PRCC: variants seen among roughly 807,000 people sequenced by gnomAD.
PRCC encodes proline-rich protein PRCC.
A neutral mutation model predicts 44.0 loss-of-function variants in PRCC; 10 were observed. The ratio of observed to expected loss-of-function variants is 0.23; its 90% CI spans 0.14 to 0.39. The LOEUF (loss-of-function observed/expected upper bound fraction) is 0.39. PRCC is among the 10% of genes least tolerant of loss of function. PRCC has a pLI of 1.00. For missense variants in PRCC, 573 were observed against 624.7 expected, an observed-to-expected ratio of 0.92 and a Z score of 0.88; for synonymous variants, 278 against 259.5, an observed-to-expected ratio of 1.07 and a Z score of -0.69.
At chr1:156,788,541 T>C (rs2102767440) in intron 3 of PRCC, among the ~76,000 whole-genome samples, 1 of 152,336 alleles carries the variant, frequency 6.6e-6, no homozygotes, top group Non-Finnish European at 1.5e-5. Context: ...GGTTGAATGG[T>C]AGCTCTGTTT....
chr1:156,791,190 T>C (rs1357203898), intron 3 of PRCC: 2 of 1,360,392 alleles, frequency 1.5e-6, no homozygotes, highest in Admixed American at 3.8e-5. Context: ...CTAATAGTGG[T>C]TATTTTAAAT....
At chr1:156,785,059 A>G (rs1426730141) in intron 2 of PRCC, among the ~76,000 whole-genome samples, 2 of 152,214 alleles carry the variant, frequency 1.3e-5, no homozygotes, top group Non-Finnish European at 2.9e-5. Context: ...CTCTGTATGT[A>G]TGATGGCACT....
Position 156,767,889 on chromosome 1 carries a change from G to T in PRCC, c.118G>T (p.Ala40Ser), listed in dbSNP as rs755270609. Reference sequence around the variant, plus strand: ...TGGGCCCGCTTTAGGGGGCTTGTTCGCTTCTCTCCCTGCGCCCAAGGGTCC... The same window carrying T: ...TGGGCCCGCTTTAGGGGGCTTGTTCTCTTCTCTCCCTGCGCCCAAGGGTCC... ...TSGPALGGLF[A>S]SLPAPKGPAL... Residue 40 changes from alanine to serine, a missense_variant, in exon 1 of 7, where the codon GCT (alanine) becomes TCT (serine). Physicochemically the swap from Ala to Ser is moderately conservative, Grantham distance 99 (BLOSUM62 1). This residue lies in a region of PRCC where 245 missense variants were observed against 188.5 expected (regional missense o/e 1.30). Transcript: ENST00000271526. The T allele has an allele frequency of 1.9e-6, 3 of 1,604,588 alleles. No homozygotes were observed. Among genetic ancestry groups the T allele is most frequent in the African/African-American group, 2.7e-5 (2 of 74,844 alleles).
intron 2 of PRCC, 102 bp downstream of exon 2, chr1:156,782,431 A>T (rs528556488): frequency 0.011 from 12,087 of 1,077,938 alleles, 105 homozygotes; most frequent in Middle Eastern, 0.03. Context: ...CTTAGAGCAA[A>T]CACAGATATT....
chr1:156,775,933 C>T (rs1651813630), intron 1 of PRCC, among the ~76,000 whole-genome samples: 1 of 152,210 alleles, frequency 6.6e-6, no homozygotes, highest in African/African-American at 2.4e-5. Context: ...AGGGGTGAAC[C>T]ACTGTGCCTG....
At chr1:156,774,394 C>G (rs1020235019) in intron 1 of PRCC, among the ~76,000 whole-genome samples, 5 of 151,432 alleles carry the variant, frequency 3.3e-5, no homozygotes, top group Non-Finnish European at 7.4e-5. Flanking sequence ...AGGCTGGTCT[C>G]GAACCCCTGA....
At chr1:156,799,498 G>C (rs899359100) in intron 6 of PRCC, among the ~76,000 whole-genome samples, 1 of 152,102 alleles carries the variant, frequency 6.6e-6, no homozygotes, top group Non-Finnish European at 1.5e-5. Context: ...ACCCTTTCCT[G>C]GCCCCTTTCC....
chr1:156,780,293 A>G (rs918252587), intron 1 of PRCC, among the ~76,000 whole-genome samples: 1 of 152,030 alleles, frequency 6.6e-6, no homozygotes, highest in African/African-American at 2.4e-5. Flanking sequence ...TCCTGGGCTC[A>G]AGTAATCCTC....
intron 1 of PRCC, among the ~76,000 whole-genome samples, chr1:156,778,169 T>G (rs1177192356): frequency 2.0e-5 from 3 of 152,116 alleles, no homozygotes; most frequent in Non-Finnish European, 4.4e-5. Context: ...ATTCTTCCTG[T>G]CTGAGATTTT....
At chr1:156,768,984 G>C (rs1325526902) in intron 1 of PRCC, among the ~76,000 whole-genome samples, 2 of 152,188 alleles carry the variant, frequency 1.3e-5, no homozygotes, top group Admixed American at 1.3e-4. Flanking sequence ...GGATGCTTGG[G>C]TACTGTTTCT....
chr1:156,767,766 G>A lies in PRCC; in HGVS notation c.-6G>A, dbSNP rs937685399. ...CGGCAAGGGCGCCCGAAACGCGGGA[G>A]GCGCCATGTCGCTGGTTGCTTACGC... is the stretch of plus-strand genomic sequence containing the variant. On this transcript the variant is annotated 5_prime_UTR_variant, in exon 1 of 7. Coordinates refer to ENST00000271526, the MANE Select transcript of PRCC (RefSeq NM_005973.5). 6.3e-6 allele frequency: 10 copies of A among 1,590,896 alleles called. No individual in the cohort carries two copies. In the East Asian group the frequency reaches 6.8e-5, roughly 11 times the overall value.
intron 4 of PRCC, among the ~76,000 whole-genome samples, chr1:156,793,493 C>T (rs79550187): frequency 1.1e-4 from 16 of 139,850 alleles, no homozygotes; most frequent in African/African-American, 1.8e-4. Flanking sequence ...GTTTACTGGG[C>T]TTTTTTTTTT....
intron 3 of PRCC, among the ~76,000 whole-genome samples, chr1:156,788,105 G>A (rs1328044335): frequency 6.6e-6 from 1 of 152,188 alleles, no homozygotes; most frequent in Non-Finnish European, 1.5e-5. Context: ...TAAAGTGATG[G>A]AATTATAGTG....
chr1:156,781,562 G>T (rs1055840602), intron 1 of PRCC, among the ~76,000 whole-genome samples: 2 of 152,348 alleles, frequency 1.3e-5, no homozygotes, highest in South Asian at 2.1e-4. Flanking sequence ...AAGGAACTGA[G>T]ATAGAGCTAA....
rs1266938839 is a variant in PRCC, at chr1:156,767,996, C to T, written c.225C>T (p.Pro75=). ...TGCTTCCCCCACCCACCGGAGACCC[C>T]AGGCTTCAGCCTCCTCCCCCCTTGC... is the stretch of plus-strand genomic sequence containing the variant. ...PLLLPPPTGD[P]RLQPPPPLPF... The change falls in exon 1 of 7, where the codon CCC becomes CCT. Residue 75 remains proline (P), a synonymous_variant. Coordinates refer to ENST00000271526, the MANE Select transcript of PRCC (RefSeq NM_005973.5). 1 of 1,574,502 alleles carries T rather than the reference C, an allele frequency of 6.4e-7. No homozygotes were observed. The highest frequency in any genetic ancestry group is 8.6e-7 in the Non-Finnish European group (1 of 1,159,048).
chr1:156,768,303 A>T, intron 1 of PRCC, 64 bp downstream of exon 1: 1 of 1,474,092 alleles, frequency 6.8e-7, no homozygotes, highest in Non-Finnish European at 9.2e-7. Flanking sequence ...TAGGAGGGAC[A>T]TGTGGAGATT....
chr1:156,771,635 G>C (rs191330740), intron 1 of PRCC, among the ~76,000 whole-genome samples: 1 of 152,184 alleles, frequency 6.6e-6, no homozygotes, highest in East Asian at 1.9e-4. Flanking sequence ...GGGTTAGTTA[G>C]ATTTCATTTG....
intron 6 of PRCC, 106 bp downstream of exon 6, chr1:156,797,447 C>G: frequency 1.5e-6 from 2 of 1,322,662 alleles, no homozygotes; most frequent in South Asian, 2.4e-5. Flanking sequence ...TTTAGCAGCC[C>G]ATCTTTTAGC....
intron 3 of PRCC, chr1:156,791,297 C>A: frequency 1.7e-6 from 1 of 586,966 alleles, no homozygotes; most frequent in Non-Finnish European, 3.0e-6. Context: ...CGTATACCTT[C>A]TCGTCCCTGC....
Sources: gnomAD v4.1 joint callset for allele counts (sites outside exome capture counted in the v4.1 genomes callset) on GRCh38, gnomAD v4.1.1 for gene constraint, gnomAD v4.1.1 regional missense constraint, MANE v1.5 for transcripts, NCBI Gene and HGNC (gene_info 2026-07-23, HGNC 2026-07-21) for gene names.